Variants in CNTNAP2 observed in about 807,000 individuals in gnomAD.
CNTNAP2 encodes the protein contactin associated protein 2.
CNTNAP2 carries 98 observed loss-of-function variants against 155.2 expected under a neutral mutation model. The observed-to-expected ratio is 0.63, with a 90% confidence interval of 0.54 to 0.75. The LOEUF (loss-of-function observed/expected upper bound fraction) is 0.75. CNTNAP2 is among the 30% of genes least tolerant of loss of function. The pLI is 0.00. For missense variants in CNTNAP2, 1,727 were observed against 1,688.1 expected (o/e 1.02, Z -0.40); for synonymous variants, 651 against 631.2 (o/e 1.03, Z -0.47).
intron 4 of CNTNAP2, among the ~76,000 whole-genome samples, chr7:147,104,389 A>G (rs1249417237): frequency 6.6e-6 from 1 of 152,016 alleles, no homozygotes; most frequent in African/African-American, 2.4e-5. Context: ...CACAAACTAT[A>G]TACAGTATTA....
At chr7:146,957,325 G>T (rs904660012) in intron 3 of CNTNAP2, among the ~76,000 whole-genome samples, 1 of 152,118 alleles carries the variant, frequency 6.6e-6, no homozygotes, top group Non-Finnish European at 1.5e-5. Flanking sequence ...CCAGGTGATA[G>T]AAATTTTTCA....
At chr7:146,797,199 C>T (rs1366135556) in intron 2 of CNTNAP2, among the ~76,000 whole-genome samples, 1 of 152,138 alleles carries the variant, frequency 6.6e-6, no homozygotes, top group Non-Finnish European at 1.5e-5. Flanking sequence ...GGGCCAGTTG[C>T]ACCTGTAAGA....
intron 10 of CNTNAP2, among the ~76,000 whole-genome samples, chr7:147,414,950 A>AAAC: frequency 6.7e-6 from 1 of 150,080 alleles, no homozygotes; most frequent in Non-Finnish European, 1.5e-5. Context: ...TCAAAAAAAA[A>AAAC]AAAAAAAAAA....
intron 16 of CNTNAP2, among the ~76,000 whole-genome samples, chr7:148,127,404 G>T (rs1804738573): frequency 6.6e-6 from 1 of 152,190 alleles, no homozygotes; most frequent in Non-Finnish European, 1.5e-5. Context: ...ACCAGAAACT[G>T]TTGTAATACT....
At chr7:146,448,038 C>T (rs1317438150) in intron 1 of CNTNAP2, among the ~76,000 whole-genome samples, 1 of 151,900 alleles carries the variant, frequency 6.6e-6, no homozygotes, top group Non-Finnish European at 1.5e-5. Context: ...GAAGCTTCCT[C>T]TTATTCTTAA....
At chr7:146,137,397 C>A (rs1236488932) in intron 1 of CNTNAP2, among the ~76,000 whole-genome samples, 1 of 152,066 alleles carries the variant, frequency 6.6e-6, no homozygotes, top group East Asian at 1.9e-4. Flanking sequence ...AGGACTGTTT[C>A]ATCTGTCCTT....
chr7:147,028,230 A>G (rs1368744782), intron 3 of CNTNAP2, among the ~76,000 whole-genome samples: 1 of 152,228 alleles, frequency 6.6e-6, no homozygotes, highest in Non-Finnish European at 1.5e-5. Flanking sequence ...TCACTTTATT[A>G]GTGCAGAAGA....
intron 1 of CNTNAP2, among the ~76,000 whole-genome samples, chr7:146,528,138 A>G (rs1357667032): frequency 6.6e-6 from 1 of 152,166 alleles, no homozygotes; most frequent in Non-Finnish European, 1.5e-5. Context: ...AGGTTTCTTA[A>G]AAGGAGTAAA....
intron 1 of CNTNAP2, among the ~76,000 whole-genome samples, chr7:146,712,155 ATATCT>A (rs1380023781): frequency 7.8e-6 from 1 of 127,648 alleles, no homozygotes; most frequent in Non-Finnish European, 1.7e-5. Flanking sequence ...TATAGTATAC[ATATCT>A]TATGTATACA....
intron 4 of CNTNAP2, among the ~76,000 whole-genome samples, chr7:147,071,941 A>C (rs1048185506): frequency 2.6e-5 from 4 of 152,196 alleles, no homozygotes; most frequent in Admixed American, 2.6e-4. Flanking sequence ...GGGTATCATG[A>C]TGAAAATAAA....
chr7:146,514,004 C>A (rs1351600867), intron 1 of CNTNAP2, among the ~76,000 whole-genome samples: 6 of 151,962 alleles, frequency 3.9e-5, no homozygotes, highest in South Asian at 4.1e-4. Context: ...TTTATATATC[C>A]TTTTTTTAAC....
At chr7:148,033,016 C>T (rs1427238571) in intron 15 of CNTNAP2, among the ~76,000 whole-genome samples, 1 of 152,080 alleles carries the variant, frequency 6.6e-6, no homozygotes, top group East Asian at 1.9e-4. Flanking sequence ...TGACTGGATC[C>T]CAACACTCGG....
At chr7:147,626,016 A>G (rs1023213212) in intron 12 of CNTNAP2, among the ~76,000 whole-genome samples, 1 of 152,182 alleles carries the variant, frequency 6.6e-6, no homozygotes, top group South Asian at 2.1e-4. Context: ...CCCAGTCTCC[A>G]GCTGAAGCCC....
At chr7:148,408,896 ATTCCTAAAG>A (rs1385347393) in intron 22 of CNTNAP2, among the ~76,000 whole-genome samples, 2 of 152,206 alleles carry the variant, frequency 1.3e-5, no homozygotes, top group East Asian at 3.8e-4. Flanking sequence ...CCCCTTACAA[ATTCCTAAAG>A]TGTGCCAGTG....
rs546712887 is a variant in CNTNAP2, at chr7:146,687,550, A to G, written c.98-86721A>G. ...TTTTCTGGTAGTTCTTATCTAAATG[A>G]TGCAAATAGATGAATTTTTAATACA... On this transcript the variant is annotated intron_variant, in intron 1 of 23. Coordinates refer to ENST00000361727, the MANE Select transcript of CNTNAP2 (RefSeq NM_014141.6). Among the ~76,000 whole-genome samples, 14 of 152,000 alleles carry G rather than the reference A, an allele frequency of 9.2e-5. No homozygotes were observed. In the East Asian group the frequency reaches 2.7e-3, roughly 30 times the overall value.
chr7:147,099,602 T>G (rs1394527912), intron 4 of CNTNAP2, among the ~76,000 whole-genome samples: 1 of 152,214 alleles, frequency 6.6e-6, no homozygotes, highest in Non-Finnish European at 1.5e-5. Context: ...GTAACTAAAC[T>G]GCTATCTTTA....
chr7:148,040,767 T>G (rs372027268), intron 15 of CNTNAP2, among the ~76,000 whole-genome samples: 9 of 152,068 alleles, frequency 5.9e-5, no homozygotes, highest in East Asian at 5.8e-4. Context: ...CCCCAAGAGA[T>G]TCCCAGTCTA....
chr7:146,438,721 A>C (rs1269773271), intron 1 of CNTNAP2, among the ~76,000 whole-genome samples: 1 of 151,568 alleles, frequency 6.6e-6, no homozygotes, highest in African/African-American at 2.4e-5. Context: ...TTGAACACCA[A>C]AAACTATTTT....
At chr7:148,368,856 C>T (rs968063814) in intron 21 of CNTNAP2, among the ~76,000 whole-genome samples, 5 of 152,130 alleles carry the variant, frequency 3.3e-5, no homozygotes, top group Non-Finnish European at 7.3e-5. Context: ...TCTTTCTATA[C>T]AATGTCTGGA....
Sources: allele counts gnomAD v4.1 joint callset (sites outside exome capture counted in the v4.1 genomes callset), GRCh38; gene constraint gnomAD v4.1.1; transcripts MANE v1.5; gene names NCBI Gene and HGNC (gene_info 2026-07-23, HGNC 2026-07-21).